KCND2: variants seen among roughly 807,000 people sequenced by gnomAD.
KCND2 encodes A-type voltage-gated potassium channel KCND2.
A neutral mutation model predicts 54.4 loss-of-function variants in KCND2; 16 were observed. The ratio of observed to expected loss-of-function variants is 0.29; its 90% CI spans 0.20 to 0.45. The LOEUF (loss-of-function observed/expected upper bound fraction) is 0.45, where lower values mean the gene tolerates loss of function less well. Ranked by LOEUF, KCND2 falls within the 20% of genes least tolerant of loss-of-function variation. The probability of loss-of-function intolerance (pLI) is 1.00; values close to 1 mark genes in which losing one functional copy is unlikely to be tolerated. For missense variants in KCND2, 486 were observed against 824.2 expected (o/e 0.59, Z 5.02); for synonymous variants, 317 against 310.7 (o/e 1.02, Z -0.21).
At chr7:120,505,230 A>G (rs536336639) in intron 1 of KCND2, among the ~76,000 whole-genome samples, 1 of 151,904 alleles carries the variant, frequency 6.6e-6, no homozygotes, top group African/African-American at 2.4e-5. Context: ...GGCCAAAGAT[A>G]ACAACATTCT....
At chr7:120,432,210 C>T (rs1801800492) in intron 1 of KCND2, among the ~76,000 whole-genome samples, 1 of 152,152 alleles carries the variant, frequency 6.6e-6, no homozygotes, top group South Asian at 2.1e-4. Flanking sequence ...ATTACTATAT[C>T]CATCCTGGTC....
chr7:120,556,890 T>C (rs1792172704), intron 1 of KCND2, among the ~76,000 whole-genome samples: 1 of 152,220 alleles, frequency 6.6e-6, no homozygotes, highest in Non-Finnish European at 1.5e-5. Flanking sequence ...TTTGTCTCTC[T>C]AGTATCTTCA....
At chr7:120,618,663 G>A (rs1793059367) in intron 1 of KCND2, among the ~76,000 whole-genome samples, 1 of 151,858 alleles carries the variant, frequency 6.6e-6, no homozygotes, top group South Asian at 2.1e-4. Flanking sequence ...TCATATTAGT[G>A]ATTAATTTAC....
chr7:120,387,340 G>A (rs1385271223), intron 1 of KCND2, among the ~76,000 whole-genome samples: 3 of 151,984 alleles, frequency 2.0e-5, no homozygotes, highest in Non-Finnish European at 4.4e-5. Context: ...CCCGTTAAAG[G>A]AGGTAAAGAC....
chr7:120,721,871 T>C (rs1202830928), intron 1 of KCND2, among the ~76,000 whole-genome samples: 1 of 152,118 alleles, frequency 6.6e-6, no homozygotes, highest in African/African-American at 2.4e-5. Flanking sequence ...CGGTAGGAGA[T>C]AATTGAATTA....
At chr7:120,687,360 A>G (rs947938911) in intron 1 of KCND2, among the ~76,000 whole-genome samples, 3 of 152,198 alleles carry the variant, frequency 2.0e-5, no homozygotes, top group African/African-American at 7.2e-5. Flanking sequence ...CTGCTGTATA[A>G]CATAGGCAAC....
chr7:120,340,132 A>G (rs148744200), intron 1 of KCND2, among the ~76,000 whole-genome samples: 1 of 152,342 alleles, frequency 6.6e-6, no homozygotes, highest in East Asian at 1.9e-4. Flanking sequence ...TACATTACAC[A>G]AGGATCACTG....
chr7:120,415,237 A>G (rs909581360), intron 1 of KCND2, among the ~76,000 whole-genome samples: 1 of 152,120 alleles, frequency 6.6e-6, no homozygotes, highest in Non-Finnish European at 1.5e-5. Context: ...CCAAGTCCCT[A>G]TTACTCCCTT....
intron 1 of KCND2, among the ~76,000 whole-genome samples, chr7:120,590,748 A>G (rs1213788426): frequency 6.6e-6 from 1 of 152,184 alleles, no homozygotes; most frequent in Non-Finnish European, 1.5e-5. Flanking sequence ...TTATATATAT[A>G]TAGCTGTACT....
intron 1 of KCND2, among the ~76,000 whole-genome samples, chr7:120,518,828 C>T (rs776215463): frequency 2.6e-5 from 4 of 151,916 alleles, no homozygotes; most frequent in East Asian, 1.9e-4. Flanking sequence ...GGGACTTTGC[C>T]GACGTGAAAA....
intron 1 of KCND2, among the ~76,000 whole-genome samples, chr7:120,511,003 ATCTCTCTC>A (rs562798465): frequency 1.2e-4 from 15 of 127,466 alleles, no homozygotes; most frequent in Non-Finnish European, 2.7e-4. Context: ...ACCTTTCCCC[ATCTCTCTC>A]TCTCTCTCTC....
chr7:120,660,703 A>G (rs1791855464), intron 1 of KCND2, among the ~76,000 whole-genome samples: 1 of 152,208 alleles, frequency 6.6e-6, no homozygotes, highest in East Asian at 1.9e-4. Flanking sequence ...TAGGAAGAAT[A>G]GGTTGTATTA....
chr7:120,540,037 C>T (rs956001704), intron 1 of KCND2, among the ~76,000 whole-genome samples: 1 of 152,010 alleles, frequency 6.6e-6, no homozygotes, highest in African/African-American at 2.4e-5. Flanking sequence ...TTTTCTTCAA[C>T]AAAATTAGCC....
At chr7:120,653,965 T>C (rs967605627) in intron 1 of KCND2, among the ~76,000 whole-genome samples, 2 of 152,168 alleles carry the variant, frequency 1.3e-5, no homozygotes, top group African/African-American at 4.8e-5. Flanking sequence ...TGAAGGCATG[T>C]TTTTGAGCGT....
At chr7:120,738,256 C>A (rs181597324) in intron 2 of KCND2, among the ~76,000 whole-genome samples, 5 of 152,126 alleles carry the variant, frequency 3.3e-5, no homozygotes, top group Non-Finnish European at 7.4e-5. Flanking sequence ...GCAAAGGAAC[C>A]TGTTTAACAC....
intron 1 of KCND2, among the ~76,000 whole-genome samples, chr7:120,631,006 A>G (rs1458149081): frequency 6.6e-6 from 1 of 152,306 alleles, no homozygotes; most frequent in East Asian, 1.9e-4. Flanking sequence ...TTTAAAAGAG[A>G]TTAAATGTGT....
chr7:120,688,613 G>A (rs542041356), intron 1 of KCND2, among the ~76,000 whole-genome samples: 3 of 152,222 alleles, frequency 2.0e-5, no homozygotes, highest in South Asian at 2.1e-4. Flanking sequence ...AAGCTGCCAC[G>A]GATTTGTTAG....
At chr7:120,517,282 G>A (rs1415202052) in intron 1 of KCND2, among the ~76,000 whole-genome samples, 1 of 151,966 alleles carries the variant, frequency 6.6e-6, no homozygotes, top group East Asian at 1.9e-4. Context: ...TAATGATATA[G>A]TCAGTATCAT....
chr7:120,523,161 G>A (rs1342022481), intron 1 of KCND2, among the ~76,000 whole-genome samples: 3 of 152,132 alleles, frequency 2.0e-5, no homozygotes, highest in African/African-American at 7.2e-5. Context: ...AAACCATTCT[G>A]TGATTGTGTT....
Sources: gnomAD v4.1 joint callset for allele counts (sites outside exome capture counted in the v4.1 genomes callset) on GRCh38, gnomAD v4.1.1 for gene constraint, MANE v1.5 for transcripts, NCBI Gene and HGNC (gene_info 2026-07-23, HGNC 2026-07-21) for gene names.